Variants in FAM234A observed in about 807,000 individuals in gnomAD.
FAM234A encodes protein FAM234A.
A neutral mutation model predicts 49.1 loss-of-function variants in FAM234A; 42 were observed. The ratio of observed to expected loss-of-function variants is 0.86; its 90% CI spans 0.67 to 1.11. The LOEUF (loss-of-function observed/expected upper bound fraction) is 1.11. FAM234A is among the 50% of genes least tolerant of loss of function. FAM234A has a pLI of 0.00. For missense variants in FAM234A, 815 were observed against 745.2 expected (o/e 1.09, Z -1.09); for synonymous variants, 369 against 316.2 (o/e 1.17, Z -1.77).
rs1320840039 is a variant in FAM234A at position 264,127 on chromosome 16, T to G, written c.1300T>G (p.Phe434Val). The G allele has an allele frequency of 2.5e-6, 4 of 1,609,738 alleles. No homozygotes were observed. Among genetic ancestry groups the G allele is most frequent in the Admixed American group, 1.7e-5 (1 of 59,848 alleles). The change falls in exon 11 of 13, where the codon TTC (phenylalanine) becomes GTC (valine). Residue 434 changes from phenylalanine to valine, a missense_variant. By Grantham distance (50) the Phe-to-Val change is conservative. Coordinates refer to ENST00000399932, the MANE Select transcript of FAM234A (RefSeq NM_032039.4). The stretch of plus-strand genomic sequence containing the variant: ...GCCGACCGCAGACCACCGCTCAGCC[T>G]TCTTCTTCTGGGGCCTCCACGAGCT... ...SLPTADHRSAFFFWGLHELGS... is the reference protein window; with the variant it reads ...SLPTADHRSAVFFWGLHELGS...
chr16:246,447 T>C (rs1296226102), intron 1 of FAM234A, among the ~76,000 whole-genome samples: 2 of 123,832 alleles, frequency 1.6e-5, no homozygotes, highest in African/African-American at 6.5e-5. Context: ...TTTGAGATAG[T>C]CTTGCTCTGT....
intron 3 of FAM234A, among the ~76,000 whole-genome samples, chr16:257,304 G>C (rs1196786906): frequency 7.1e-6 from 1 of 140,442 alleles, no homozygotes; most frequent in Non-Finnish European, 1.5e-5. Context: ...AGAGTGCAGT[G>C]GCGCGATCTC....
Position 254,559 on chromosome 16 carries a change from C to A in FAM234A, c.146C>A (p.Ala49Glu). The change falls in exon 3 of 13, where the codon GCG becomes GAG. Residue 49 changes from alanine (A) to glutamate (E), a missense_variant. Transcript: ENST00000399932. ...PPQSRLSRCR[A>E]AAFFLSLFLC... The stretch of plus-strand genomic sequence containing the variant: ...CAGTCCCGGCTCTCCCGGTGCCGAG[C>A]GGCGGCGTTTTTTCTTTCATTGTTT... The A allele has an allele frequency of 6.2e-7, 1 of 1,614,150 alleles. No homozygotes were observed. Among genetic ancestry groups the A allele is most frequent in the African/African-American group, 1.3e-5 (1 of 75,052 alleles).
chr16:255,416 A>G (rs541782384), intron 3 of FAM234A, among the ~76,000 whole-genome samples: 343 of 152,276 alleles, frequency 2.3e-3, no homozygotes, highest in South Asian at 8.5e-3. Context: ...TCTACAAAAA[A>G]TACAAAAATC....
downstream of FAM234A, chr16:269,773 T>G (rs1273393719): frequency 1.7e-6 from 1 of 572,276 alleles, no homozygotes; most frequent in Non-Finnish European, 3.1e-6. Context: ...TGGGCTCCCG[T>G]CTGCCTGGGC....
At chr16:257,834 C>T (rs1330470502) in intron 3 of FAM234A, among the ~76,000 whole-genome samples, 2 of 151,688 alleles carry the variant, frequency 1.3e-5, no homozygotes, top group African/African-American at 2.4e-5. Flanking sequence ...ATAAGGGGGA[C>T]GGGGTTCAAC....
chr16:262,327 G>T, intron 7 of FAM234A, 97 bp from the exon 8 acceptor site: 2 of 1,568,078 alleles, frequency 1.3e-6, no homozygotes, highest in Non-Finnish European at 1.7e-6. Context: ...CTGGAGTCAG[G>T]AAGCCCAGGG....
At chr16:249,330 C>T (rs771118088) in intron 1 of FAM234A, among the ~76,000 whole-genome samples, 1 of 151,968 alleles carries the variant, frequency 6.6e-6, no homozygotes, top group South Asian at 2.1e-4. Flanking sequence ...ACCCTGGAAT[C>T]AGCTGGAGAG....
intron 1 of FAM234A, among the ~76,000 whole-genome samples, chr16:235,173 C>G (rs958595523): frequency 6.6e-6 from 1 of 152,210 alleles, no homozygotes; most frequent in Admixed American, 6.5e-5. Context: ...GTTTTACCTC[C>G]CGGTAGGGAG....
Position 254,454 on chromosome 16 carries a change from T to G in FAM234A, c.41T>G (p.Leu14Trp), listed in dbSNP as rs760573377. The G allele has an allele frequency of 5.0e-6, 8 of 1,614,154 alleles. No homozygotes were observed. Among genetic ancestry groups the G allele is most frequent in the Non-Finnish European group, 6.8e-6 (8 of 1,180,020 alleles). ...GACTTAGAGGCCGAAATCCACCCCT[T>G]GAAAAATGAAGAAAGAAAATCGCAG... ...HKDLEAEIHP[L>W]KNEERKSQEN... Residue 14 changes from leucine (L) to tryptophan (W), a missense_variant, in exon 3 of 13, where the codon TTG becomes TGG. By Grantham distance (61) the Leu-to-Trp change is moderately conservative. Transcript: ENST00000399932.
At chr16:240,023 G>C (rs1032473068) in intron 1 of FAM234A, among the ~76,000 whole-genome samples, 1 of 152,164 alleles carries the variant, frequency 6.6e-6, no homozygotes, top group Non-Finnish European at 1.5e-5. Context: ...AGCTGTCCTT[G>C]TCTGACATCT....
chr16:269,942 G>A (rs1035952783), downstream of FAM234A: 5 of 228,500 alleles, frequency 2.2e-5, no homozygotes, highest in East Asian at 1.1e-4. Flanking sequence ...GGTAGGCCAC[G>A]CATGGTGGCT....
chr16:246,131 C>T (rs2050793420), intron 1 of FAM234A, among the ~76,000 whole-genome samples: 1 of 151,530 alleles, frequency 6.6e-6, no homozygotes, highest in African/African-American at 2.4e-5. Context: ...AGGAGAATCG[C>T]TTGAACCCAG....
chr16:263,271 A>G lies in FAM234A; in HGVS notation c.981A>G (p.Ala327=). ...CCACTCTCCTGTCTAGCTCTGGAGC[A>G]GTGCGCTACCTGATGCATGTCCCAG... The part of the protein sequence containing the change: ...TRRMLSHSSG[A]VRYLMHVPGN... The change falls in exon 9 of 13, where the codon GCA becomes GCG. Residue 327 remains alanine (A), a synonymous_variant. Transcript: ENST00000399932. The G allele has an allele frequency of 3.7e-6, 6 of 1,612,762 alleles. No homozygotes were observed. Among genetic ancestry groups the G allele is most frequent in the Non-Finnish European group, 5.1e-6 (6 of 1,179,968 alleles).
chr16:252,758 C>T (rs1345652452), intron 2 of FAM234A, among the ~76,000 whole-genome samples: 5 of 152,186 alleles, frequency 3.3e-5, no homozygotes, highest in Admixed American at 6.6e-5. Context: ...AGACAAAGTC[C>T]GAGTGAACAG....
At chr16:240,688 G>A (rs1376108676) in intron 1 of FAM234A, among the ~76,000 whole-genome samples, 1 of 152,074 alleles carries the variant, frequency 6.6e-6, no homozygotes, top group Non-Finnish European at 1.5e-5. Context: ...TTTTAGTAGA[G>A]ATGGGGTTTC....
chr16:250,952 A>ATGTTT lies in FAM234A; in HGVS notation c.-34+1315_-34+1319dup, dbSNP rs896039006. 8.5e-5 allele frequency among the ~76,000 whole-genome samples: 13 copies of ATGTTT among 152,202 alleles called. No homozygotes were observed. The East Asian group carries it at 1.5e-3, about 18-fold the overall frequency. ...GGCCACATTTTGTTTATCCATTCATATGTTTTGTTTTGTTTTGTTTTTGAG... is the reference window on the plus strand; with the variant it reads ...GGCCACATTTTGTTTATCCATTCATATGTTTTGTTTTGTTTTGTTTTGTTTTTGAG... On this transcript the variant is annotated intron_variant, in intron 2 of 12. Transcript: ENST00000399932.
intron 3 of FAM234A, among the ~76,000 whole-genome samples, chr16:259,129 G>A (rs1470268108): frequency 6.6e-6 from 1 of 152,168 alleles, no homozygotes; most frequent in Non-Finnish European, 1.5e-5. Context: ...TTTATCACTT[G>A]AGTCCTTGAA....
At chr16:261,826 CAT>C (rs1326320389) in intron 6 of FAM234A, among the ~76,000 whole-genome samples, 1 of 152,228 alleles carries the variant, frequency 6.6e-6, no homozygotes, top group Non-Finnish European at 1.5e-5. Context: ...CTGCCTGCCT[CAT>C]GTGCCCCGTG....
Sources: gnomAD v4.1 joint callset for allele counts (sites outside exome capture counted in the v4.1 genomes callset) on GRCh38, gnomAD v4.1.1 for gene constraint, MANE v1.5 for transcripts, NCBI Gene and HGNC (gene_info 2026-07-23, HGNC 2026-07-21) for gene names.